SCAI: variants seen among roughly 807,000 people sequenced by gnomAD.
SCAI encodes protein SCAI.
A neutral mutation model predicts 92.2 loss-of-function variants in SCAI; 24 were observed. The ratio of observed to expected loss-of-function variants is 0.26; its 90% CI spans 0.19 to 0.37. SCAI has a LOEUF of 0.37. SCAI is among the 10% of genes least tolerant of loss of function. SCAI has a pLI of 1.00. For missense variants in SCAI, 450 were observed against 736.2 expected, an observed-to-expected ratio of 0.61 and a Z score of 4.50; for synonymous variants, 261 against 258.6, an observed-to-expected ratio of 1.01 and a Z score of -0.09.
At chr9:125,143,242 G>GC in intron 1 of SCAI, 143 bp downstream of exon 1, 2 of 464,256 alleles carry the variant, frequency 4.3e-6, no homozygotes, top group Non-Finnish European at 3.4e-6. Context: ...GCCTGCAGGC[G>GC]CCCCCAAGGT....
chr9:125,126,501 T>A (rs1020236931), intron 2 of SCAI, among the ~76,000 whole-genome samples: 10 of 148,130 alleles, frequency 6.8e-5, no homozygotes, highest in Non-Finnish European at 1.0e-4. Flanking sequence ...AGAAGCCAGT[T>A]TTTTTAAAAC....
At chr9:124,990,693 G>A (rs1459373052) in intron 14 of SCAI, among the ~76,000 whole-genome samples, 1 of 142,848 alleles carries the variant, frequency 7.0e-6, no homozygotes, top group African/African-American at 2.7e-5. Flanking sequence ...ATAGTGGTTA[G>A]GGGAGAGAAG....
intron 15 of SCAI, chr9:124,975,261 G>A: frequency 2.2e-6 from 1 of 451,890 alleles, no homozygotes; most frequent in Non-Finnish European, 4.4e-6. Flanking sequence ...AAACAACGGT[G>A]AAAGCCTCCA....
intron 12 of SCAI, 105 bp downstream of exon 12, chr9:125,001,860 C>T (rs531872939): frequency 7.3e-6 from 5 of 684,784 alleles, no homozygotes; most frequent in African/African-American, 5.4e-5. Flanking sequence ...ATTTGGAAGT[C>T]TGTCTAGAAA....
At chr9:125,086,039 TACC>T in intron 2 of SCAI, among the ~76,000 whole-genome samples, 1 of 152,364 alleles carries the variant, frequency 6.6e-6, no homozygotes. Context: ...ACTGACTTAG[TACC>T]ACCATCTCTA....
chr9:125,024,524 C>T (rs895941470), intron 6 of SCAI, among the ~76,000 whole-genome samples: 1 of 152,164 alleles, frequency 6.6e-6, no homozygotes, highest in East Asian at 1.9e-4. Context: ...ATCCGCCTGC[C>T]TTGGCTTCCC....
chr9:125,018,708 T>C, intron 9 of SCAI, 91 bp downstream of exon 9: 1 of 1,122,318 alleles, frequency 8.9e-7, no homozygotes, highest in Non-Finnish European at 1.3e-6. Context: ...CAAGAGGATG[T>C]TAGGATATTT....
At chr9:124,990,728 T>C (rs1832101749) in intron 14 of SCAI, among the ~76,000 whole-genome samples, 1 of 151,496 alleles carries the variant, frequency 6.6e-6, no homozygotes, top group Admixed American at 6.6e-5. Context: ...AAAAGAAAAA[T>C]GGTGGTTAAA....
intron 2 of SCAI, among the ~76,000 whole-genome samples, chr9:125,114,547 T>C (rs1834996976): frequency 6.6e-6 from 1 of 152,136 alleles, no homozygotes; most frequent in African/African-American, 2.4e-5. Context: ...CCATATTTAG[T>C]TGACAAATGC....
intron 9 of SCAI, among the ~76,000 whole-genome samples, chr9:125,009,362 T>G (rs1335273559): frequency 6.6e-6 from 1 of 152,144 alleles, no homozygotes; most frequent in African/African-American, 2.4e-5. Context: ...CTCCACCTCC[T>G]GGGTCCAAGC....
At chr9:125,114,027 T>G (rs906791844) in intron 2 of SCAI, among the ~76,000 whole-genome samples, 2 of 152,212 alleles carry the variant, frequency 1.3e-5, no homozygotes, top group African/African-American at 2.4e-5. Flanking sequence ...TGATTAATAT[T>G]CCAAGGCAAT....
chr9:125,017,272 T>C (rs1253816148), intron 9 of SCAI, among the ~76,000 whole-genome samples: 1 of 152,210 alleles, frequency 6.6e-6, no homozygotes, highest in Non-Finnish European at 1.5e-5. Flanking sequence ...TTGGTCTCTT[T>C]TGTTTTTAGT....
At chr9:124,956,754 A>G (rs1256836400) in intron 17 of SCAI, among the ~76,000 whole-genome samples, 3 of 152,226 alleles carry the variant, frequency 2.0e-5, no homozygotes, top group African/African-American at 4.8e-5. Flanking sequence ...AATCAGGAAG[A>G]AGGCAAGGAT....
intron 2 of SCAI, among the ~76,000 whole-genome samples, chr9:125,080,685 G>A (rs1436020443): frequency 6.6e-6 from 1 of 152,100 alleles, no homozygotes; most frequent in Admixed American, 6.6e-5. Flanking sequence ...CCTCATAAAG[G>A]TATTATGAAG....
intron 17 of SCAI, among the ~76,000 whole-genome samples, chr9:124,970,815 A>T (rs182585460): frequency 6.6e-5 from 10 of 152,028 alleles, no homozygotes; most frequent in African/African-American, 2.2e-4. Flanking sequence ...TTCTACTTTT[A>T]TTTTTTTTAA....
At chr9:124,988,538 AC>A (rs1438020951) in intron 14 of SCAI, among the ~76,000 whole-genome samples, 1 of 152,202 alleles carries the variant, frequency 6.6e-6, no homozygotes, top group Non-Finnish European at 1.5e-5. Flanking sequence ...TGTATGTGTT[AC>A]ATAAACACAC....
chr9:125,008,901 A>ACT (rs1832571205), intron 9 of SCAI, among the ~76,000 whole-genome samples: 1 of 152,188 alleles, frequency 6.6e-6, no homozygotes, highest in Non-Finnish European at 1.5e-5. Flanking sequence ...TGAATATAAC[A>ACT]TAGTAAAACT....
intron 2 of SCAI, among the ~76,000 whole-genome samples, chr9:125,069,221 A>G (rs1021351077): frequency 6.6e-6 from 1 of 152,048 alleles, no homozygotes; most frequent in East Asian, 1.9e-4. Context: ...CCATCTCAAG[A>G]AAAGAAAAAT....
At chr9:125,041,843 G>A (rs1833322777) in intron 3 of SCAI, among the ~76,000 whole-genome samples, 1 of 151,982 alleles carries the variant, frequency 6.6e-6, no homozygotes, top group Non-Finnish European at 1.5e-5. Flanking sequence ...TCAAAATAGG[G>A]TTTAAATTTT....
Sources: gnomAD v4.1 joint callset for allele counts (sites outside exome capture counted in the v4.1 genomes callset) on GRCh38, gnomAD v4.1.1 for gene constraint, MANE v1.5 for transcripts, NCBI Gene and HGNC (gene_info 2026-07-23, HGNC 2026-07-21) for gene names.